ITGA10: variants seen among roughly 807,000 people sequenced by gnomAD.
The protein encoded by ITGA10 is integrin alpha-10.
ITGA10 carries 105 observed loss-of-function variants against 145.2 expected under a neutral mutation model. That is an observed-to-expected ratio of 0.72 (90% CI 0.62 to 0.85). The LOEUF (loss-of-function observed/expected upper bound fraction) is 0.85. ITGA10 is among the 40% of genes least tolerant of loss of function. ITGA10 has a pLI of 0.00. For synonymous variants in ITGA10, 506 were observed against 557.8 expected (o/e 0.91, Z 1.31); for missense variants, 1,317 against 1,444.5 (o/e 0.91, Z 1.43).
rs1657472398 is a variant in ITGA10, at chr1:145,908,660, C to T, written c.53-1195G>A. Among the ~76,000 whole-genome samples, 3 of 152,180 alleles carry T rather than the reference C, an allele frequency of 2.0e-5. No homozygotes were observed. In the South Asian group the frequency reaches 6.2e-4, roughly 32 times the overall value. On this transcript the variant is annotated intron_variant, in intron 1 of 29. Transcript: ENST00000369304. The stretch of plus-strand genomic sequence containing the variant: ...TGGTCCTTTCCCCAACTATGTCTTG[C>T]TCTGTACTTCTAAGCAACCCCCTCT...
In ITGA10 at chr1:145,902,454, C is replaced by T; in HGVS notation, c.1075G>A (p.Gly359Arg). ...ALGDRIFGLEGSHAENESSFG... is the reference protein window; with the variant it reads ...ALGDRIFGLERSHAENESSFG... ...TCCATTTCTCCAGAGTAATCCTCAC[C>T]TTCAAGGCCAAAAATCCGATCTCCT... The change falls in exon 9 of 30, where the codon GGG becomes AGG. Residue 359 changes from glycine (G) to arginine (R), a missense_variant and splice_region_variant. By Grantham distance (125) the Gly-to-Arg change is moderately radical (BLOSUM62 -2). Transcript: ENST00000369304. 1.9e-6 allele frequency: 3 copies of T among 1,610,448 alleles called. No individual in the cohort carries two copies. The highest frequency in any genetic ancestry group is 2.5e-6 in the Non-Finnish European group (3 of 1,178,168).
In ITGA10 at chr1:145,904,041, C is replaced by T. The variant is rs1656754700; in HGVS notation, c.758+11G>A. On this transcript the variant is annotated intron_variant, in intron 7 of 29. Transcript: ENST00000369304. ...CTCTAGCCTCCCACACCTGTCTTCC[C>T]AATGCCTCACCAGGCCACCATTATT... The T allele has an allele frequency of 2.5e-6, 4 of 1,613,590 alleles. No individual in the cohort carries two copies. In the African/African-American group the frequency reaches 4.0e-5, roughly 16 times the overall value.
At chr1:145,892,972 A>G in intron 29 of ITGA10, 109 bp from the exon 30 acceptor site, 2 of 1,002,536 alleles carry the variant, frequency 2.0e-6, no homozygotes, top group Non-Finnish European at 1.6e-6. Flanking sequence ...CCAAAAATGG[A>G]ATTCAAATTT....
In ITGA10 at chr1:145,896,773, A is replaced by C. The variant is rs372237913; in HGVS notation, c.2830T>G (p.Ser944Ala). ...CACCCTAGAAGCTGGGCATACCTAG[A>C]GAACAGGAGGTGGGGCTCATATTGG... ...YIQYEPHLLF[S>A]SESTLHRYEV... Residue 944 changes from serine (S) to alanine (A), a missense_variant, in exon 23 of 30, where the codon TCT becomes GCT. Ser to Ala is a moderately conservative substitution (Grantham distance 99). Transcript: ENST00000369304. The C allele has an allele frequency of 3.1e-6, 5 of 1,612,780 alleles. No homozygotes were observed. The highest frequency in any genetic ancestry group is 4.2e-6 in the Non-Finnish European group (5 of 1,178,928).
intron 27 of ITGA10, among the ~76,000 whole-genome samples, chr1:145,894,025 A>G (rs782767215): frequency 4.7e-5 from 7 of 150,364 alleles, no homozygotes; most frequent in Non-Finnish European, 8.9e-5. Context: ...CTCCTGAACT[A>G]TAAGATCCTC....
chr1:145,894,572 T>C (rs1188824103), intron 27 of ITGA10, among the ~76,000 whole-genome samples: 2 of 152,192 alleles, frequency 1.3e-5, no homozygotes, highest in Non-Finnish European at 2.9e-5. Context: ...CAGGTAGATA[T>C]GGGAAAGCAC....
chr1:145,895,206 G>C (rs1655212942), intron 27 of ITGA10, 74 bp downstream of exon 27: 7 of 1,083,700 alleles, frequency 6.5e-6, no homozygotes, highest in Non-Finnish European at 9.7e-6. Flanking sequence ...ACGTGGGTCT[G>C]TCTACCTCCA....
chr1:145,906,501 G>T lies in ITGA10; in HGVS notation c.374C>A (p.Ala125Asp). ...GCCACAAGCACGAGACCAGAGAGGG[G>T]CACAGGCCTGGGGATGGGGGAAATA... ...TDGDGGFMACAPLWSRACGSS... is the reference protein window; with the variant it reads ...TDGDGGFMACDPLWSRACGSS... Residue 125 changes from alanine (A) to aspartate (D), a missense_variant, in exon 5 of 30, where the codon GCC becomes GAC. Coordinates refer to ENST00000369304, the MANE Select transcript of ITGA10 (RefSeq NM_003637.5). The T allele has an allele frequency of 6.2e-7, 1 of 1,613,856 alleles. No individual in the cohort carries two copies. The highest frequency in any genetic ancestry group is 8.5e-7 in the Non-Finnish European group (1 of 1,179,754).
Position 145,902,624 on chromosome 1 carries a change from G to T in ITGA10, c.910-5C>A. The T allele has an allele frequency of 6.3e-7, 1 of 1,592,490 alleles. No individual in the cohort carries two copies. The highest frequency in any genetic ancestry group is 8.5e-7 in the Non-Finnish European group (1 of 1,171,132). Reference sequence around the variant, plus strand: ...CCGGAGGTAGTGACCAAGGACCTAAGAGGTCATAAGATCAAGGAATGAGGC... The same window carrying T: ...CCGGAGGTAGTGACCAAGGACCTAATAGGTCATAAGATCAAGGAATGAGGC... On this transcript the variant is annotated splice_polypyrimidine_tract_variant and splice_region_variant and intron_variant, in intron 8 of 29. Transcript: ENST00000369304.
intron 4 of ITGA10, 82 bp downstream of exon 4, chr1:145,906,651 C>T: frequency 7.5e-7 from 1 of 1,336,980 alleles, no homozygotes; most frequent in Non-Finnish European, 1.1e-6. Context: ...CCCCTCCACA[C>T]AGACCATTTT....
intron 17 of ITGA10, among the ~76,000 whole-genome samples, chr1:145,898,473 A>C (rs1553746243): frequency 6.6e-6 from 1 of 152,040 alleles, no homozygotes; most frequent in East Asian, 1.9e-4. Flanking sequence ...GGTTCAGGCC[A>C]TTCTCCTGCC....
chr1:145,893,143 C>A lies in ITGA10; in HGVS notation c.3438+18G>T. The stretch of plus-strand genomic sequence containing the variant: ...CATGGGCATCATGCTCCACACTCCC[C>A]ACTAAAGCAGTGCTTACCTTCCACA... On this transcript the variant is annotated intron_variant, in intron 29 of 29. Coordinates refer to ENST00000369304, the MANE Select transcript of ITGA10 (RefSeq NM_003637.5). The A allele has an allele frequency of 6.5e-7, 1 of 1,544,942 alleles. No individual in the cohort carries two copies. The highest frequency in any genetic ancestry group is 1.1e-5 in the South Asian group (1 of 89,632).
chr1:145,900,261 CTTTTT>C, intron 14 of ITGA10, 74 bp from the exon 15 acceptor site: 1 of 1,435,590 alleles, frequency 7.0e-7, no homozygotes, highest in Non-Finnish European at 9.4e-7. Context: ...CTTGCTCTTT[CTTTTT>C]ATTTATTTAT....
rs959096344 is a variant in ITGA10, at chr1:145,902,926, G to T, written c.794C>A (p.Pro265His). Residue 265 changes from proline to histidine, a missense_variant, in exon 8 of 30, where the codon CCC becomes CAC. Physicochemically the swap from Pro to His is moderately conservative, Grantham distance 77 (BLOSUM62 -2). Coordinates refer to ENST00000369304, the MANE Select transcript of ITGA10 (RefSeq NM_003637.5). ...EGFSQSHGGRPEAARLLVVVT... is the reference protein window; with the variant it reads ...EGFSQSHGGRHEAARLLVVVT... ...AACCACCAGTAGCCTGGCAGCCTCG[G>T]GTCGGCCCCCATGGGACTGACTGAA... is the stretch of plus-strand genomic sequence containing the variant. The T allele has an allele frequency of 6.2e-7, 1 of 1,612,522 alleles. No homozygotes were observed. The highest frequency in any genetic ancestry group is 1.1e-5 in the South Asian group (1 of 90,922).
Position 145,893,615 on chromosome 1 carries a change from C to A in ITGA10, c.3249G>T (p.Thr1083=), listed in dbSNP as rs145072089. The A allele has an allele frequency of 6.2e-7, 1 of 1,613,208 alleles. No homozygotes were observed. The highest frequency in any genetic ancestry group is 1.3e-5 in the African/African-American group (1 of 75,030). ...TTCCCAGCTCAAAGGTGCTGACCAC[C>A]GTCAGGGACTTGAACTTGGCCTATG... ...FFRRAKFKSL[T]VVSTFELGTE... is the part of the protein sequence containing the mutation. Residue 1083 remains threonine, a synonymous_variant, in exon 28 of 30, where the codon ACG becomes ACT. Coordinates refer to ENST00000369304, the MANE Select transcript of ITGA10 (RefSeq NM_003637.5).
rs782257803 is a variant in ITGA10 at position 145,901,574 on chromosome 1, G to A, written c.1385C>T (p.Ala462Val). The change falls in exon 12 of 30, where the codon GCC becomes GTC. Residue 462 changes from alanine to valine, a missense_variant. Physicochemically the swap from Ala to Val is moderately conservative, Grantham distance 64. Transcript: ENST00000369304. This position sits in a 1 kb window ranked among gnomAD's most constrained non-coding sequence, Gnocchi z 4.3. ...PRFRHRGKVIAFQLKKDGAVR... is the reference protein window; with the variant it reads ...PRFRHRGKVIVFQLKKDGAVR... The stretch of plus-strand genomic sequence containing the variant: ...AGCCCCATCTTTCTTAAGCTGGAAG[G>A]CGATGACTTTTCCTCGATGTCTAAA... 1 of 1,607,652 alleles carries A rather than the reference G, an allele frequency of 6.2e-7. No homozygotes were observed. Among genetic ancestry groups the A allele is most frequent in the Non-Finnish European group, 8.5e-7 (1 of 1,177,454 alleles).
At position 145,901,796 on chromosome 1, in the gene ITGA10, G is replaced by C. The variant is rs933775534; in HGVS notation, c.1294+81C>G. 1.1e-5 allele frequency: 17 copies of C among 1,585,430 alleles called. No homozygotes were observed. The highest frequency in any genetic ancestry group is 3.4e-5 in the Admixed American group (2 of 58,900). ...CAGTGAGAAACCGCATGAGTTAAGA[G>C]GGAGTATTTCATACCCGCCCCCACT... On this transcript the variant is annotated intron_variant, in intron 11 of 29. Coordinates refer to ENST00000369304, the MANE Select transcript of ITGA10 (RefSeq NM_003637.5). This position sits in a 1 kb window ranked among gnomAD's most constrained non-coding sequence, Gnocchi z 4.3.
chr1:145,892,697 A>G lies in ITGA10; in HGVS notation c.*101T>C. ...GGCTGCTGGTCTGGGGAGATAGTCCAGAGGCGGCTTCTTGTCCCATCTGAG... is the reference window on the plus strand; with the variant it reads ...GGCTGCTGGTCTGGGGAGATAGTCCGGAGGCGGCTTCTTGTCCCATCTGAG... On this transcript the variant is annotated 3_prime_UTR_variant, in exon 30 of 30. Transcript: ENST00000369304. The G allele has an allele frequency of 1.2e-6, 1 of 850,098 alleles. No homozygotes were observed. The highest frequency in any genetic ancestry group is 2.0e-5 in the Admixed American group (1 of 49,962). The allele number at this position is 850,098 out of a possible 1,614,324, so 52.7% of individuals were successfully genotyped here.
chr1:145,902,766 C>T (rs1553749439), intron 8 of ITGA10, 45 bp downstream of exon 8: 1 of 1,579,604 alleles, frequency 6.3e-7, no homozygotes, highest in South Asian at 1.2e-5. Context: ...AGACACTGCC[C>T]CCCTGCCACT....
Sources: gnomAD v4.1 joint callset for allele counts (sites outside exome capture counted in the v4.1 genomes callset) on GRCh38, gnomAD v4.1.1 for gene constraint, Gnocchi (gnomAD v3.1) non-coding constraint, MANE v1.5 for transcripts, NCBI Gene and HGNC (gene_info 2026-07-23, HGNC 2026-07-21) for gene names.